SULT1C3: variants seen among roughly 807,000 people sequenced by gnomAD.
The protein encoded by SULT1C3 is sulfotransferase 1C3.
Under a neutral mutation model 28.4 loss-of-function variants are expected in SULT1C3, and 31 were observed. That is an observed-to-expected ratio of 1.09 (90% CI 0.82 to 1.47). SULT1C3 has a LOEUF of 1.47. Ranked by LOEUF, SULT1C3 falls within the 40% of genes most tolerant of loss-of-function variation. The probability of loss-of-function intolerance (pLI) is 0.00; values close to 1 mark genes in which losing one functional copy is unlikely to be tolerated. For missense variants in SULT1C3, 307 were observed against 272.5 expected (o/e 1.13, Z -0.89); for synonymous variants, 106 against 92.2 (o/e 1.15, Z -0.86).
chr2:108,263,560 C>T (rs1479529073), downstream of SULT1C3, among the ~76,000 whole-genome samples: 3 of 152,166 alleles, frequency 2.0e-5, no homozygotes, highest in South Asian at 2.1e-4. Context: ...TTATGGGACA[C>T]TGAATGCAGC....
At chr2:108,251,075 T>C (rs1014405853) in intron 2 of SULT1C3, among the ~76,000 whole-genome samples, 15 of 151,970 alleles carry the variant, frequency 9.9e-5, no homozygotes, top group Non-Finnish European at 1.5e-4. Flanking sequence ...TCCATAATGA[T>C]GAAAAATACA....
At chr2:108,245,572 C>G (rs937280688) in intron 1 of SULT1C3, among the ~76,000 whole-genome samples, 6 of 152,122 alleles carry the variant, frequency 3.9e-5, no homozygotes, top group African/African-American at 1.4e-4. Context: ...CAAGGAGTAG[C>G]TAGGAAGCAG....
At chr2:108,242,163 A>G (rs4676190) in intron 1 of SULT1C3, among the ~76,000 whole-genome samples, 29,720 of 152,154 alleles carry the variant, frequency 0.2, 3,932 homozygotes, top group East Asian at 0.7. Context: ...CATTTTGACG[A>G]CACTTGTATT....
chr2:108,248,238 T>A (rs1675635421), intron 2 of SULT1C3, among the ~76,000 whole-genome samples: 1 of 152,076 alleles, frequency 6.6e-6, no homozygotes, highest in Non-Finnish European at 1.5e-5. Context: ...AAAAGAATGA[T>A]CACTAACTGA....
intron 2 of SULT1C3, among the ~76,000 whole-genome samples, chr2:108,248,446 A>C (rs1675645143): frequency 6.6e-6 from 1 of 152,178 alleles, no homozygotes; most frequent in Non-Finnish European, 1.5e-5. Context: ...TGCAAAAGAA[A>C]AAGCCATAGC....
chr2:108,263,049 C>T (rs1676057659), downstream of SULT1C3, among the ~76,000 whole-genome samples: 1 of 152,166 alleles, frequency 6.6e-6, no homozygotes, highest in South Asian at 2.1e-4. Context: ...AGACCTTCCT[C>T]TGGTGCCTAA....
At chr2:108,247,644 T>A (rs1451561826) in intron 2 of SULT1C3, among the ~76,000 whole-genome samples, 2 of 152,104 alleles carry the variant, frequency 1.3e-5, no homozygotes, top group Non-Finnish European at 2.9e-5. Flanking sequence ...AAATATAAGG[T>A]CAACAAATTG....
At chr2:108,242,683 CAG>C (rs532758831) in intron 1 of SULT1C3, among the ~76,000 whole-genome samples, 25 of 152,278 alleles carry the variant, frequency 1.6e-4, no homozygotes, top group Admixed American at 7.8e-4. Flanking sequence ...CATAACAGAA[CAG>C]AGTCTTTGAT....
At chr2:108,257,932 G>A (rs1323226621) in intron 5 of SULT1C3, among the ~76,000 whole-genome samples, 1 of 152,028 alleles carries the variant, frequency 6.6e-6, no homozygotes, top group Non-Finnish European at 1.5e-5. Context: ...CAAAGTTCAA[G>A]TCACTGCAAA....
At chr2:108,247,614 C>A in intron 2 of SULT1C3, among the ~76,000 whole-genome samples, 1 of 152,080 alleles carries the variant, frequency 6.6e-6, no homozygotes, top group East Asian at 1.9e-4. Context: ...GCTCCCATTC[C>A]AGAACCCATA....
At chr2:108,254,699 G>GTATATATATA (rs749104996) in intron 4 of SULT1C3, among the ~76,000 whole-genome samples, 1 of 147,380 alleles carries the variant, frequency 6.8e-6, no homozygotes, top group Non-Finnish European at 1.5e-5. Context: ...GTGTGTGTGT[G>GTATATATATA]TGTATATATA....
At chr2:108,259,344 G>A (rs1558666634) in intron 7 of SULT1C3, among the ~76,000 whole-genome samples, 198 bp downstream of exon 7, 1 of 152,046 alleles carries the variant, frequency 6.6e-6, no homozygotes, top group Non-Finnish European at 1.5e-5. Context: ...ACCCCTGCAG[G>A]CCTTGCTAAA....
At chr2:108,264,950 T>C (rs779250357), downstream of SULT1C3, 6 of 1,613,976 alleles carry the variant, frequency 3.7e-6, no homozygotes, top group East Asian at 1.1e-4. Context: ...TGACCAACTA[T>C]ACCACTTTGC....
In SULT1C3 at chr2:108,252,965, A is replaced by G. The variant is rs1249130576; in HGVS notation, c.302-380A>G. ...AGTGAATAACATGAAATAAAGACAG[A>G]CCTCCTAGAGGTCTTTCTTTCCAAG... On this transcript the variant is annotated intron_variant, in intron 3 of 7. Transcript: ENST00000681802. Among the ~76,000 whole-genome samples the G allele has an allele frequency of 2.0e-5, 3 of 152,044 alleles. No homozygotes were observed. The South Asian group carries it at 6.2e-4, about 32-fold the overall frequency.
intron 1 of SULT1C3, among the ~76,000 whole-genome samples, 129 bp downstream of exon 1, chr2:108,240,212 T>C (rs1675430403): frequency 6.6e-6 from 1 of 152,162 alleles, no homozygotes; most frequent in Admixed American, 6.5e-5. Context: ...ACTTTGCAGC[T>C]CCAAATAAAA....
chr2:108,256,100 C>A (rs1675861351), intron 5 of SULT1C3, among the ~76,000 whole-genome samples: 1 of 152,016 alleles, frequency 6.6e-6, no homozygotes, highest in African/African-American at 2.4e-5. Context: ...CACTGCACAG[C>A]CACAGACAGC....
rs2104390221 is a variant in SULT1C3, at chr2:108,255,595, C to A, written c.423C>A (p.Pro141=). ...NCKIVYVARN[P]KDCLVSYYHF... The stretch of plus-strand genomic sequence containing the variant: ...AGATTGTCTATGTGGCCAGAAATCC[C>A]AAGGATTGCCTGGTGTCCTACTACC... The change falls in exon 5 of 8, where the codon CCC becomes CCA. Residue 141 remains proline (P), a synonymous_variant. Transcript: ENST00000681802. 1 of 1,611,670 alleles carries A rather than the reference C, an allele frequency of 6.2e-7. No homozygotes were observed. Among genetic ancestry groups the A allele is most frequent in the East Asian group, 2.2e-5 (1 of 44,770 alleles).
At chr2:108,251,278 A>G (rs909835208) in intron 2 of SULT1C3, among the ~76,000 whole-genome samples, 8 of 152,062 alleles carry the variant, frequency 5.3e-5, no homozygotes, top group African/African-American at 1.7e-4. Flanking sequence ...TGAAACCCAC[A>G]ATAAAAATTA....
At position 108,253,457 on chromosome 2, in the gene SULT1C3, C is replaced by G. The variant is rs1553415172; in HGVS notation, c.399+15C>G. ...AAAACTGCAAGGTATAAAGAGGGGG[C>G]TTTTCAAACTTCTCTTAGCTTGGTG... is the stretch of plus-strand genomic sequence containing the variant. On this transcript the variant is annotated intron_variant, in intron 4 of 7. Transcript: ENST00000681802. 2 of 1,355,952 alleles carry G rather than the reference C, an allele frequency of 1.5e-6. No homozygotes were observed. Among genetic ancestry groups the G allele is most frequent in the South Asian group, 3.4e-5 (2 of 58,726 alleles). The allele number at this position is 1,355,952 out of a possible 1,614,324, so 84.0% of individuals were successfully genotyped here. A position where few individuals can be genotyped will look rare whatever the true frequency, so the allele number is the denominator to read the frequency against.
Sources: gnomAD v4.1 joint callset for allele counts (sites outside exome capture counted in the v4.1 genomes callset) on GRCh38, gnomAD v4.1.1 for gene constraint, MANE v1.5 for transcripts, NCBI Gene and HGNC (gene_info 2026-07-23, HGNC 2026-07-21) for gene names.